Variants in TSACC observed in about 807,000 individuals in gnomAD.
TSACC encodes TSSK6 activating cochaperone.
In TSACC, 3 loss-of-function variants were observed where a neutral mutation model predicts 6.9. The ratio of observed to expected loss-of-function variants is 0.43; its 90% CI spans 0.20 to 1.12. TSACC has a LOEUF of 1.12. TSACC is among the 50% of genes most tolerant of loss of function. The probability of loss-of-function intolerance (pLI) is 0.28; values close to 1 mark genes in which losing one functional copy is unlikely to be tolerated. For missense variants in TSACC, 137 were observed against 143.9 expected (o/e 0.95, Z 0.24); for synonymous variants, 54 against 55.1 (o/e 0.98, Z 0.09).
chr1:156,339,850 C>T lies in TSACC; in HGVS notation c.34+59C>T, dbSNP rs1180441351. 4 of 1,586,186 alleles carry T rather than the reference C, an allele frequency of 2.5e-6. No individual in the cohort carries two copies. In the East Asian group the frequency reaches 8.9e-5, roughly 35 times the overall value. ...AAAAGCAAGACCTCCTTTGCATTCCCCACTAAATGGGAGCATTGCTGTATT... is the reference window on the plus strand; with the variant it reads ...AAAAGCAAGACCTCCTTTGCATTCCTCACTAAATGGGAGCATTGCTGTATT... On this transcript the variant is annotated intron_variant, in intron 2 of 3. Coordinates refer to ENST00000368254, the MANE Select transcript of TSACC (RefSeq NM_001304817.2).
At chr1:156,338,307 C>T (rs547135342), upstream of TSACC, 13 of 916,828 alleles carry the variant, frequency 1.4e-5, no homozygotes, top group South Asian at 8.5e-5. Flanking sequence ...CAACCCGCTA[C>T]TCTCAAGGTA....
At chr1:156,345,042 G>A (rs1259608417) in intron 3 of TSACC, among the ~76,000 whole-genome samples, 1 of 152,180 alleles carries the variant, frequency 6.6e-6, no homozygotes, top group Non-Finnish European at 1.5e-5. Context: ...GGTGGCTAGA[G>A]AAGGAAACTA....
chr1:156,340,163 A>T (rs1241980407), intron 2 of TSACC, among the ~76,000 whole-genome samples: 2 of 150,092 alleles, frequency 1.3e-5, no homozygotes, highest in East Asian at 3.9e-4. Context: ...CCTGGACATA[A>T]TTTTTTTTTT....
intron 2 of TSACC, 49 bp downstream of exon 2, chr1:156,339,840 T>A (rs551023259): frequency 1.2e-6 from 2 of 1,604,620 alleles, no homozygotes; most frequent in East Asian, 4.5e-5. Flanking sequence ...CAAGACCTCC[T>A]TTGCATTCCC....
intron 3 of TSACC, among the ~76,000 whole-genome samples, chr1:156,345,948 C>T (rs887365945): frequency 2.0e-5 from 3 of 151,446 alleles, no homozygotes; most frequent in Non-Finnish European, 4.4e-5. Flanking sequence ...AATACCAGCA[C>T]TTTGGAAGGC....
At chr1:156,342,760 A>G in intron 2 of TSACC, among the ~76,000 whole-genome samples, 1 of 152,206 alleles carries the variant, frequency 6.6e-6, no homozygotes, top group East Asian at 1.9e-4. Context: ...GTTCCAGGAG[A>G]GTAGTGACCA....
upstream of TSACC, chr1:156,338,345 G>A (rs539013556): frequency 6.9e-5 from 48 of 693,086 alleles, no homozygotes; most frequent in African/African-American, 8.1e-4. Context: ...CCATCTCATT[G>A]ATCGGCACAA....
intron 2 of TSACC, among the ~76,000 whole-genome samples, chr1:156,341,680 C>T (rs896586350): frequency 1.3e-5 from 2 of 152,134 alleles, no homozygotes; most frequent in Non-Finnish European, 1.5e-5. Context: ...AAAGCAGTCT[C>T]TTTCTTTAAT....
intron 2 of TSACC, among the ~76,000 whole-genome samples, chr1:156,342,234 C>T (rs116069902): frequency 0.018 from 2,773 of 152,242 alleles, 85 homozygotes; most frequent in African/African-American, 0.063. Context: ...TTACCACATT[C>T]TGCACAAGCC....
chr1:156,342,981 TC>T (rs1453448508), intron 2 of TSACC, among the ~76,000 whole-genome samples: 1 of 152,228 alleles, frequency 6.6e-6, no homozygotes, highest in African/African-American at 2.4e-5. Flanking sequence ...CTTTGCCACT[TC>T]CTTTTCATCT....
intron 2 of TSACC, among the ~76,000 whole-genome samples, chr1:156,340,348 A>C (rs1027460246): frequency 6.6e-6 from 1 of 150,994 alleles, no homozygotes; most frequent in Admixed American, 6.6e-5. Flanking sequence ...TTTAGTAGAG[A>C]CGGGGTTTCA....
At chr1:156,342,551 A>G (rs1431488822) in intron 2 of TSACC, among the ~76,000 whole-genome samples, 1 of 152,122 alleles carries the variant, frequency 6.6e-6, no homozygotes, top group Non-Finnish European at 1.5e-5. Flanking sequence ...CATACAACCT[A>G]CTTTTCACAC....
At chr1:156,338,364 C>A, upstream of TSACC, 1 of 633,540 alleles carries the variant, frequency 1.6e-6, no homozygotes, top group South Asian at 1.8e-5. Flanking sequence ...AAAAACAGAC[C>A]AATTGACAGC....
At chr1:156,341,354 C>T (rs1403531348) in intron 2 of TSACC, among the ~76,000 whole-genome samples, 1 of 152,110 alleles carries the variant, frequency 6.6e-6, no homozygotes, top group Non-Finnish European at 1.5e-5. Flanking sequence ...ATCTACATTC[C>T]TCAGGTCACG....
intron 2 of TSACC, among the ~76,000 whole-genome samples, chr1:156,342,179 A>C (rs531513064): frequency 5.3e-5 from 8 of 152,192 alleles, no homozygotes; most frequent in Non-Finnish European, 1.2e-4. Flanking sequence ...AAATTAACAC[A>C]TTATTGAGAA....
intron 1 of TSACC, among the ~76,000 whole-genome samples, chr1:156,339,259 T>C (rs1459617265): frequency 8.4e-6 from 1 of 119,464 alleles, no homozygotes; most frequent in South Asian, 3.3e-4. Flanking sequence ...CGAGACTCCA[T>C]CTCAAAAAAA....
rs1283017163 is a variant in TSACC, at chr1:156,346,214, AAAAG to A, written c.164-550_164-547del. ...TCTCCAAAAAAAAAAAAAAAAAAGAAAAAGAAAAAAAACAATGGACCAATGTAGC... is the reference window on the plus strand; with the variant it reads ...TCTCCAAAAAAAAAAAAAAAAAAGAAAAAAAAAACAATGGACCAATGTAGC... On this transcript the variant is annotated intron_variant, in intron 3 of 3. Coordinates refer to ENST00000368254, the MANE Select transcript of TSACC (RefSeq NM_001304817.2). Among the ~76,000 whole-genome samples the A allele has an allele frequency of 2.4e-4, 36 of 151,916 alleles. No homozygotes were observed. In the South Asian group the frequency reaches 4.2e-3, roughly 18 times the overall value.
At chr1:156,343,682 G>T (rs758313202) in intron 2 of TSACC, among the ~76,000 whole-genome samples, 10 of 152,234 alleles carry the variant, frequency 6.6e-5, no homozygotes, top group Non-Finnish European at 1.2e-4. Context: ...CCTTGTTAGG[G>T]AGAGGGGCTT....
At chr1:156,345,764 A>C (rs920110226) in intron 3 of TSACC, among the ~76,000 whole-genome samples, 14 of 151,586 alleles carry the variant, frequency 9.2e-5, no homozygotes, top group Admixed American at 8.5e-4. Flanking sequence ...GCTACTTGGG[A>C]GACTGAGGCA....
Sources: gnomAD v4.1 joint callset for allele counts (sites outside exome capture counted in the v4.1 genomes callset) on GRCh38, gnomAD v4.1.1 for gene constraint, MANE v1.5 for transcripts, NCBI Gene and HGNC (gene_info 2026-07-23, HGNC 2026-07-21) for gene names.